Variants in TTLL6 observed in about 807,000 individuals in gnomAD.
The protein encoded by TTLL6 is tubulin tyrosine ligase like 6, also known as tubulin polyglutamylase TTLL6.
A neutral mutation model predicts 96.4 loss-of-function variants in TTLL6; 75 were observed. That is an observed-to-expected ratio of 0.78 (90% CI 0.65 to 0.94). The LOEUF (loss-of-function observed/expected upper bound fraction) is 0.94, where lower values mean the gene tolerates loss of function less well. TTLL6 is among the 40% of genes least tolerant of loss of function. The pLI is 0.00. For synonymous variants in TTLL6, 411 were observed against 419.4 expected (o/e 0.98, Z 0.24); for missense variants, 1,030 against 1,093.0 (o/e 0.94, Z 0.81).
intron 6 of TTLL6, among the ~76,000 whole-genome samples, chr17:48,797,646 G>A (rs1474155853): frequency 6.6e-6 from 1 of 151,878 alleles, no homozygotes; most frequent in East Asian, 1.9e-4. Flanking sequence ...AATTTGCCAG[G>A]CGCGGTGGTG....
Position 48,801,687 on chromosome 17 carries a change from G to A in TTLL6, c.362-44C>T, listed in dbSNP as rs763513410. On this transcript the variant is annotated intron_variant, in intron 3 of 15. Transcript: ENST00000393382. ...CCTATTAGCCCAGGAAGTGGGGGAG[G>A]AGTATGGGGTGGGGAGATTCCATTA... is the stretch of plus-strand genomic sequence containing the variant. 3.4e-6 allele frequency: 5 copies of A among 1,488,142 alleles called. No individual in the cohort carries two copies. The East Asian group carries it at 1.2e-4, about 37-fold the overall frequency. 92.2% of individuals were successfully genotyped at this position (1,488,142 alleles called of 1,614,324 possible).
chr17:48,791,548 T>C lies in TTLL6; in HGVS notation c.1054A>G (p.Ile352Val). Residue 352 changes from isoleucine (I) to valine (V), a missense_variant, in exon 9 of 16, where the codon ATA becomes GTA. By Grantham distance (29) the Ile-to-Val change is conservative (BLOSUM62 3). Transcript: ENST00000393382. ...ATGACGTCCTCAATATCCCTCCATA[T>C]CTGCTCCACGTTGTAGCTGTGGTCC... ...LEDHSYNVEQ[I>V]WRDIEDVIIK... The C allele has an allele frequency of 6.2e-7, 1 of 1,614,164 alleles. No homozygotes were observed. Among genetic ancestry groups the C allele is most frequent in the South Asian group, 1.1e-5 (1 of 91,082 alleles).
chr17:48,770,801 G>A (rs911271136), intron 13 of TTLL6, among the ~76,000 whole-genome samples: 5 of 151,634 alleles, frequency 3.3e-5, no homozygotes, highest in African/African-American at 9.7e-5. Context: ...GCATGAGCCT[G>A]TAATCTCCTG....
chr17:48,784,338 G>A (rs1446594330), intron 13 of TTLL6, among the ~76,000 whole-genome samples: 1 of 152,072 alleles, frequency 6.6e-6, no homozygotes, highest in Admixed American at 6.6e-5. Flanking sequence ...ATGGGAGGCA[G>A]AGGTTGCAGT....
At chr17:48,777,041 CACACA>C (rs1308815803) in intron 13 of TTLL6, among the ~76,000 whole-genome samples, 1 of 151,760 alleles carries the variant, frequency 6.6e-6, no homozygotes, top group East Asian at 1.9e-4. Flanking sequence ...CACACACACA[CACACA>C]CACCCCTAAA....
Position 48,785,061 on chromosome 17 carries a change from C to T in TTLL6, c.1902G>A (p.Thr634=), listed in dbSNP as rs200226705. The change falls in exon 13 of 16, where the codon ACG becomes ACA. Residue 634 remains threonine (T), a synonymous_variant. Coordinates refer to ENST00000393382, the MANE Select transcript of TTLL6 (RefSeq NM_001130918.3). The part of the protein sequence containing the change: ...EEASSVFPKL[T]SAKPFSSLPD... Reference sequence around the variant, plus strand: ...GTAGAGAACTGAAGGGCTTCGCAGACGTCAGCTTGGGGAAAACAGAGCTGG... The same window carrying T: ...GTAGAGAACTGAAGGGCTTCGCAGATGTCAGCTTGGGGAAAACAGAGCTGG... The T allele has an allele frequency of 9.9e-6, 16 of 1,614,094 alleles. No individual in the cohort carries two copies. Among genetic ancestry groups the T allele is most frequent in the African/African-American group, 2.7e-5 (2 of 75,048 alleles).
At chr17:48,813,752 A>C (rs1203855664) in intron 1 of TTLL6, among the ~76,000 whole-genome samples, 1 of 152,058 alleles carries the variant, frequency 6.6e-6, no homozygotes, top group Non-Finnish European at 1.5e-5. Context: ...TCCAATGTCC[A>C]CATTGTACCA....
chr17:48,816,316 A>G (rs2039666951), intron 1 of TTLL6, among the ~76,000 whole-genome samples: 1 of 151,784 alleles, frequency 6.6e-6, no homozygotes, highest in Non-Finnish European at 1.5e-5. Flanking sequence ...AAGAAAATAT[A>G]ATAATAAGAT....
chr17:48,810,781 G>GTA lies in TTLL6; in HGVS notation c.104-5792_104-5791dup, dbSNP rs764132683. 2.8e-3 allele frequency among the ~76,000 whole-genome samples: 307 copies of GTA among 109,236 alleles called. 7 individuals are homozygous for GTA. Among genetic ancestry groups the GTA allele is most frequent in the African/African-American group, 9.1e-3 (279 of 30,658 alleles). The allele number at this position is 109,236 out of a possible 152,430, so 71.7% of individuals were successfully genotyped here. ...ATATATACACATATATAGTATGTGT[G>GTA]TATATATATATAGTACATATATACA... On this transcript the variant is annotated intron_variant, in intron 1 of 15. Transcript: ENST00000393382.
At chr17:48,804,333 C>T (rs1356460535) in intron 2 of TTLL6, 1 of 485,038 alleles carries the variant, frequency 2.1e-6, no homozygotes, top group Admixed American at 2.3e-5. Context: ...ACAAGCTTTC[C>T]TTCATCAATC....
At chr17:48,787,273 G>C (rs994462052) in intron 11 of TTLL6, among the ~76,000 whole-genome samples, 64 of 152,312 alleles carry the variant, frequency 4.2e-4, no homozygotes, top group African/African-American at 1.5e-3. Context: ...CAGCTTTGAG[G>C]GGGTGGCTAT....
In TTLL6 at chr17:48,810,127, G is replaced by A. The variant is rs183623738; in HGVS notation, c.104-5136C>T. On this transcript the variant is annotated intron_variant, in intron 1 of 15. Coordinates refer to ENST00000393382, the MANE Select transcript of TTLL6 (RefSeq NM_001130918.3). The stretch of plus-strand genomic sequence containing the variant: ...GTACTCCAGCCTGGACAACAAGAGC[G>A]AAACTCTGTCTCAAAAAAAAAAAAA... Among the ~76,000 whole-genome samples, 96 of 106,024 alleles carry A rather than the reference G, an allele frequency of 9.1e-4. No homozygotes were observed. The East Asian group carries it at 0.016, about 17-fold the overall frequency. 69.6% of individuals were successfully genotyped at this position (106,024 alleles called of 152,430 possible).
rs375337417 is a variant in TTLL6 at position 48,769,181 on chromosome 17, G to C, written c.2484C>G (p.Ser828=). Residue 828 remains serine (S), a synonymous_variant, in exon 15 of 16, where the codon TCC becomes TCG. Coordinates refer to ENST00000393382, the MANE Select transcript of TTLL6 (RefSeq NM_001130918.3). ...SSGEKRQLDV[S]SLLLQSPQSY... is the part of the protein sequence containing the mutation. ...TCTGAGGACTCTGCAAGAGGAGGGA[G>C]GACACATCCAGCTGCCTCTTCTCGC... 1 of 1,613,920 alleles carries C rather than the reference G, an allele frequency of 6.2e-7. No individual in the cohort carries two copies. Among genetic ancestry groups the C allele is most frequent in the African/African-American group, 1.3e-5 (1 of 74,938 alleles).
intron 8 of TTLL6, chr17:48,794,189 G>A: frequency 6.2e-7 from 1 of 1,613,996 alleles, no homozygotes; most frequent in Non-Finnish European, 8.5e-7. Context: ...AACACTTGAA[G>A]CCTTGCAACC....
chr17:48,803,748 A>T, intron 3 of TTLL6, 143 bp downstream of exon 3: 1 of 797,564 alleles, frequency 1.3e-6, no homozygotes, highest in Non-Finnish European at 2.0e-6. Flanking sequence ...TTAATTAAAT[A>T]GTTCATTGAG....
chr17:48,802,014 G>A (rs2039424909), intron 3 of TTLL6, among the ~76,000 whole-genome samples: 1 of 149,028 alleles, frequency 6.7e-6, no homozygotes, highest in Non-Finnish European at 1.5e-5. Flanking sequence ...CACTGCACTT[G>A]AGCCTGGGCA....
chr17:48,763,179 T>G (rs7219021), intron 15 of TTLL6, among the ~76,000 whole-genome samples: 38,985 of 151,924 alleles, frequency 0.26, 5,121 homozygotes, highest in Admixed American at 0.38. Flanking sequence ...TATGGATCAT[T>G]TAAGAGCAGC....
chr17:48,783,524 C>T (rs527864115), intron 13 of TTLL6, among the ~76,000 whole-genome samples: 52 of 151,820 alleles, frequency 3.4e-4, no homozygotes, highest in Non-Finnish European at 6.8e-4. Flanking sequence ...CTCCACCTAC[C>T]GGGTTCAAGC....
At chr17:48,811,022 CCT>C (rs936767817) in intron 1 of TTLL6, among the ~76,000 whole-genome samples, 1 of 149,212 alleles carries the variant, frequency 6.7e-6, no homozygotes, top group African/African-American at 2.4e-5. Flanking sequence ...TTTTTGTTTC[CCT>C]GACACAGGAG....
Sources: allele counts gnomAD v4.1 joint callset (sites outside exome capture counted in the v4.1 genomes callset), GRCh38; gene constraint gnomAD v4.1.1; transcripts MANE v1.5; gene names NCBI Gene and HGNC (gene_info 2026-07-23, HGNC 2026-07-21).